Variants in HSPA4 observed in about 807,000 individuals in gnomAD.
HSPA4 encodes the protein heat shock 70 kDa protein 4.
Under a neutral mutation model 106.2 loss-of-function variants are expected in HSPA4, and 25 were observed. The observed-to-expected ratio is 0.24, with a 90% CI of 0.17 to 0.33. The LOEUF is 0.33. Among genes scored for constraint, HSPA4 ranks in the 10% least tolerant of loss-of-function variants. The pLI is 1.00. For synonymous variants in HSPA4, 332 were observed against 333.6 expected (o/e 1.00, Z 0.05); for missense variants, 841 against 996.0 (o/e 0.84, Z 2.10).
At chr5:133,068,757 A>G (rs1434124920) in intron 3 of HSPA4, among the ~76,000 whole-genome samples, 8 of 151,768 alleles carry the variant, frequency 5.3e-5, no homozygotes, top group African/African-American at 2.0e-4. Flanking sequence ...AATACTTATT[A>G]GAAATAAGAA....
intron 1 of HSPA4, among the ~76,000 whole-genome samples, chr5:133,056,765 C>T (rs191584174): frequency 1.3e-5 from 2 of 152,234 alleles, no homozygotes; most frequent in African/African-American, 4.8e-5. Context: ...CTTAAAGTTT[C>T]AGTAATATTG....
In HSPA4 at chr5:133,060,369, C is replaced by CT. The variant is rs879707426; in HGVS notation, c.108-4599dup. On this transcript the variant is annotated intron_variant, in intron 1 of 18. Transcript: ENST00000304858. ...AAATCCTTCAATTTGTGCTGTTATA[C>CT]TTTTTTTTTTTTGCGACGGAGTTCG... Among the ~76,000 whole-genome samples, 1,106 of 144,680 alleles carry CT rather than the reference C, an allele frequency of 7.6e-3. 4 individuals carry two copies. The highest frequency in any genetic ancestry group is 9.6e-3 in the Non-Finnish European group (627 of 65,324). The allele number at this position is 144,680 out of a possible 152,430, so 94.9% of individuals were successfully genotyped here. A position where few individuals can be genotyped will look rare whatever the true frequency, so the allele number is the denominator to read the frequency against.
intron 7 of HSPA4, among the ~76,000 whole-genome samples, chr5:133,086,185 A>G (rs183007841): frequency 1.4e-3 from 214 of 152,352 alleles, no homozygotes; most frequent in Middle Eastern, 0.01. Context: ...ACTGCACTCC[A>G]GTCTGGGCAA....
chr5:133,056,306 TAGGC>T (rs1765164098), intron 1 of HSPA4, among the ~76,000 whole-genome samples: 1 of 152,164 alleles, frequency 6.6e-6, no homozygotes, highest in Non-Finnish European at 1.5e-5. Context: ...TCTGAGGAAT[TAGGC>T]AGAGCCTTGT....
intron 14 of HSPA4, among the ~76,000 whole-genome samples, chr5:133,096,476 T>C (rs561032477): frequency 5.1e-4 from 77 of 152,372 alleles, no homozygotes; most frequent in African/African-American, 1.7e-3. Flanking sequence ...AGCTCTGTTA[T>C]GAAAATTTTG....
intron 11 of HSPA4, 43 bp from the exon 12 acceptor site, chr5:133,091,150 T>C: frequency 6.7e-7 from 1 of 1,482,134 alleles, no homozygotes; most frequent in South Asian, 1.1e-5. Flanking sequence ...CTTGAATTCA[T>C]CCTCTTAGGT....
At chr5:133,074,190 C>A in intron 6 of HSPA4, 64 bp downstream of exon 6, 3 of 1,131,742 alleles carry the variant, frequency 2.7e-6, no homozygotes, top group Admixed American at 4.8e-5. Flanking sequence ...TTTTGAGAGA[C>A]AATGATTTTT....
At chr5:133,092,616 T>TA in intron 12 of HSPA4, 84 bp from the exon 13 acceptor site, 3 of 904,926 alleles carry the variant, frequency 3.3e-6, no homozygotes, top group Non-Finnish European at 5.4e-6. Context: ...CAGCAGGAAT[T>TA]ACATAACTAT....
At position 133,106,286 on chromosome 5, in the gene HSPA4, A is replaced by T. The variant is rs952207019; in HGVS notation, c.*1850A>T. 3.3e-5 allele frequency: 5 copies of T among 151,030 alleles called. No homozygotes were observed. Among genetic ancestry groups the T allele is most frequent in the African/African-American group, 1.2e-4 (5 of 41,024 alleles). 9.4% of individuals were successfully genotyped at this position (151,030 alleles called of 1,614,324 possible). On this transcript the variant is annotated 3_prime_UTR_variant, in exon 19 of 19. Transcript: ENST00000304858. ...GATTTTCATGGAGGCCAGGACAGAG[A>T]GTGGTAATTGATGGCTTGTGTACAG...
chr5:133,070,239 CTTT>C, intron 3 of HSPA4, 132 bp from the exon 4 acceptor site: 83 of 679,308 alleles, frequency 1.2e-4, no homozygotes, highest in Non-Finnish European at 1.4e-4. Context: ...CGAAAACTAG[CTTT>C]TTTTTTTTTT....
At chr5:133,101,352 C>T (rs1765782991) in intron 16 of HSPA4, among the ~76,000 whole-genome samples, 5 of 152,168 alleles carry the variant, frequency 3.3e-5, no homozygotes, top group Admixed American at 3.3e-4. Context: ...TGATTTTCAC[C>T]TCCCTGGTGG....
At chr5:133,058,813 C>G (rs546225755) in intron 1 of HSPA4, among the ~76,000 whole-genome samples, 8 of 150,760 alleles carry the variant, frequency 5.3e-5, no homozygotes, top group Non-Finnish European at 1.2e-4. Context: ...GACAACATGG[C>G]GAAACCCCAT....
rs73788295 is a variant in HSPA4, at chr5:133,073,341, C to G, written c.529+12C>G. 6.6e-7 allele frequency: 1 copy of G among 1,526,160 alleles called. No homozygotes were observed. Among genetic ancestry groups the G allele is most frequent in the Non-Finnish European group, 9.0e-7 (1 of 1,111,082 alleles). 94.5% of individuals were successfully genotyped at this position (1,526,160 alleles called of 1,614,324 possible). On this transcript the variant is annotated intron_variant, in intron 5 of 18. Coordinates refer to ENST00000304858, the MANE Select transcript of HSPA4 (RefSeq NM_002154.4). ...TGAAACCACTGCAGGTAAGGAGGAC[C>G]GTTGATTATTTTTTTGACTTGGTTA...
chr5:133,102,891 C>T (rs1251454166), intron 17 of HSPA4, among the ~76,000 whole-genome samples: 1 of 145,432 alleles, frequency 6.9e-6, no homozygotes, highest in Non-Finnish European at 1.5e-5. Flanking sequence ...AGGCACGTAC[C>T]ACCACACCCA....
chr5:133,090,406 A>C (rs62375240), intron 11 of HSPA4, among the ~76,000 whole-genome samples: 31,586 of 132,328 alleles, frequency 0.24, 3,598 homozygotes, highest in South Asian at 0.29. Flanking sequence ...ACTCCAGCCT[A>C]GGCGACAGAG....
intron 1 of HSPA4, among the ~76,000 whole-genome samples, chr5:133,060,673 A>G (rs1451601168): frequency 6.6e-6 from 1 of 151,802 alleles, no homozygotes; most frequent in African/African-American, 2.4e-5. Context: ...TGTTTTACAT[A>G]CTGACCCAAT....
chr5:133,092,651 G>A, intron 12 of HSPA4, 49 bp from the exon 13 acceptor site: 1 of 1,187,140 alleles, frequency 8.4e-7, no homozygotes, highest in Non-Finnish European at 1.3e-6. Context: ...GTGTAATGAA[G>A]GTTGTTTAGT....
chr5:133,070,261 T>A, intron 3 of HSPA4, 113 bp from the exon 4 acceptor site: 6 of 970,956 alleles, frequency 6.2e-6, no homozygotes, highest in Non-Finnish European at 7.6e-6. Flanking sequence ...TTCAATCCCC[T>A]CTTGAGATAA....
chr5:133,075,328 T>C (rs911398322), intron 6 of HSPA4, among the ~76,000 whole-genome samples: 1 of 152,226 alleles, frequency 6.6e-6, no homozygotes, highest in African/African-American at 2.4e-5. Flanking sequence ...CTGGTTATAA[T>C]TTAGCCTGGC....
Sources: gnomAD v4.1 joint callset for allele counts (sites outside exome capture counted in the v4.1 genomes callset) on GRCh38, gnomAD v4.1.1 for gene constraint, MANE v1.5 for transcripts, NCBI Gene and HGNC (gene_info 2026-07-23, HGNC 2026-07-21) for gene names.